The following CADPS variants were observed in gnomAD, a reference collection of about 807,000 sequenced individuals.
CADPS encodes calcium-dependent secretion activator 1.
CADPS carries 57 observed loss-of-function variants against 167.3 expected under a neutral mutation model. The ratio of observed to expected loss-of-function variants is 0.34; its 90% CI spans 0.28 to 0.42. The LOEUF is 0.42. Ranked by LOEUF, CADPS falls within the 20% of genes least tolerant of loss-of-function variation. The pLI is 1.00. For missense variants in CADPS, 1,414 were observed against 1,738.1 expected (o/e 0.81, Z 3.32); for synonymous variants, 676 against 635.3 (o/e 1.06, Z -0.96).
At chr3:62,698,962 C>A (rs948830971) in intron 3 of CADPS, among the ~76,000 whole-genome samples, 27 of 151,792 alleles carry the variant, frequency 1.8e-4, no homozygotes, top group African/African-American at 6.5e-4. Flanking sequence ...ACGGCTCAAG[C>A]ACTTTATTTT....
chr3:62,532,996 C>T lies in CADPS; in HGVS notation c.2166G>A (p.Arg722=), dbSNP rs1468690377. Residue 722 remains arginine, a synonymous_variant, in exon 13 of 30, where the codon CGG becomes CGA. Transcript: ENST00000383710. ...LDEYCARNGV[R]GCHRHLCYLR... ...GGTAGCAGAGATGTCGGTGACACCC[C>T]CGGACTCCATTTCGGGCGCAATACT... is the stretch of plus-strand genomic sequence containing the variant. 1 of 1,613,802 alleles carries T rather than the reference C, an allele frequency of 6.2e-7. No individual in the cohort carries two copies. Among genetic ancestry groups the T allele is most frequent in the South Asian group, 1.1e-5 (1 of 91,070 alleles).
At chr3:62,803,414 A>G (rs1467301447) in intron 1 of CADPS, among the ~76,000 whole-genome samples, 2 of 151,620 alleles carry the variant, frequency 1.3e-5, no homozygotes, top group African/African-American at 2.4e-5. Flanking sequence ...GCTATTTGGA[A>G]AAGTCTGGAC....
At chr3:62,497,712 C>A (rs1561270215) in intron 18 of CADPS, among the ~76,000 whole-genome samples, 1 of 152,194 alleles carries the variant, frequency 6.6e-6, no homozygotes, top group Non-Finnish European at 1.5e-5. Context: ...AGTACTCTCT[C>A]TATATATAAA....
At chr3:62,480,487 T>C (rs188814245) in intron 22 of CADPS, among the ~76,000 whole-genome samples, 112 of 152,296 alleles carry the variant, frequency 7.4e-4, no homozygotes, top group Admixed American at 2.5e-3. Flanking sequence ...GACCATATGA[T>C]TTTAGTGTGA....
rs1355043339 is a variant in CADPS at position 62,433,343 on chromosome 3, C to T, written c.3777+4761G>A. On this transcript the variant is annotated intron_variant, in intron 28 of 29. Coordinates refer to ENST00000383710, the MANE Select transcript of CADPS (RefSeq NM_003716.4). This position sits in a 1 kb window ranked among gnomAD's most constrained non-coding sequence, Gnocchi z 4.7. ...TGAAAATGGAACAGCAAATTAAAAT[C>T]CGTGCGAGGCAAAGAATACTGAGTA... 6.6e-6 allele frequency among the ~76,000 whole-genome samples: 1 copy of T among 152,104 alleles called. No individual in the cohort carries two copies.
At chr3:62,469,284 G>C (rs2060293047) in intron 24 of CADPS, among the ~76,000 whole-genome samples, 1 of 152,088 alleles carries the variant, frequency 6.6e-6, no homozygotes, top group Non-Finnish European at 1.5e-5. Flanking sequence ...TTGCTTTCTG[G>C]AGTAATAGTG....
rs189291639 is a variant in CADPS at position 62,711,228 on chromosome 3, T to C, written c.888+42213A>G. ...TCATTTTTAATAATAGGTATTTATT[T>C]ATTCATTAAATTACAAGATCTAGCA... On this transcript the variant is annotated intron_variant, in intron 3 of 29. Transcript: ENST00000383710. Among the ~76,000 whole-genome samples the C allele has an allele frequency of 2.0e-4, 30 of 152,348 alleles. No homozygotes were observed. The East Asian group carries it at 4.6e-3, about 24-fold the overall frequency.
At chr3:62,825,206 AG>A (rs1652185567) in intron 1 of CADPS, among the ~76,000 whole-genome samples, 1 of 152,058 alleles carries the variant, frequency 6.6e-6, no homozygotes, top group Non-Finnish European at 1.5e-5. Context: ...TATGGGTGGG[AG>A]GGGCACCTTT....
Position 62,492,312 on chromosome 3 carries a change from C to T in CADPS, c.2862G>A (p.Leu954=), listed in dbSNP as rs768598090. 6.2e-7 allele frequency: 1 copy of T among 1,614,052 alleles called. No homozygotes were observed. The highest frequency in any genetic ancestry group is 8.5e-7 in the Non-Finnish European group (1 of 1,179,936). Reference sequence around the variant, plus strand: ...TACAGTCAGTACGGAGAAAATCATTCAGCAGCTGAAATAGTGGAAAACTGT... The same window carrying T: ...TACAGTCAGTACGGAGAAAATCATTTAGCAGCTGAAATAGTGGAAAACTGT... The part of the protein sequence containing the change: ...TWDSFPLFQL[L]NDFLRTDYNL... The change falls in exon 20 of 30, where the codon CTG becomes CTA. Residue 954 remains leucine (L), a synonymous_variant. Coordinates refer to ENST00000383710, the MANE Select transcript of CADPS (RefSeq NM_003716.4).
At chr3:62,450,361 T>C (rs1271599970) in intron 26 of CADPS, among the ~76,000 whole-genome samples, 1 of 152,120 alleles carries the variant, frequency 6.6e-6, no homozygotes, top group East Asian at 1.9e-4. Context: ...CAACACAATC[T>C]ATTACTCTCC....
At chr3:62,554,704 G>T (rs1291841735) in intron 10 of CADPS, among the ~76,000 whole-genome samples, 1 of 152,078 alleles carries the variant, frequency 6.6e-6, no homozygotes, top group East Asian at 1.9e-4. Flanking sequence ...CCCTACTTCT[G>T]GTTCACAGGT....
intron 6 of CADPS, among the ~76,000 whole-genome samples, chr3:62,593,006 T>C (rs1338194602): frequency 2.6e-5 from 4 of 152,228 alleles, no homozygotes; most frequent in Non-Finnish European, 5.9e-5. Context: ...TAGCATAAAC[T>C]CATGTTGGTG....
chr3:62,438,278 C>T lies in CADPS; in HGVS notation c.3670-67G>A, dbSNP rs1422872385. 2.6e-6 allele frequency: 3 copies of T among 1,155,746 alleles called. No homozygotes were observed. The highest frequency in any genetic ancestry group is 4.7e-5 in the East Asian group (2 of 42,234). The allele number at this position is 1,155,746 out of a possible 1,614,324, so 71.6% of individuals were successfully genotyped here. On this transcript the variant is annotated intron_variant, in intron 27 of 29. Transcript: ENST00000383710. This position sits in a 1 kb window ranked among gnomAD's most constrained non-coding sequence, Gnocchi z 4.7. ...GCCACTCTTCCTTGTTTACCATTCA[C>T]TTGTACCCTCTACTTGCCCTCACAC... is the stretch of plus-strand genomic sequence containing the variant.
chr3:62,622,831 G>A (rs963157541), intron 6 of CADPS, among the ~76,000 whole-genome samples: 1 of 152,122 alleles, frequency 6.6e-6, no homozygotes, highest in South Asian at 2.1e-4. Flanking sequence ...AAAGGCCTGC[G>A]CTAAAATTCA....
intron 3 of CADPS, among the ~76,000 whole-genome samples, chr3:62,719,602 G>A (rs2075348069): frequency 6.6e-6 from 1 of 152,232 alleles, no homozygotes; most frequent in South Asian, 2.1e-4. Flanking sequence ...GCCAAGCACA[G>A]TGCCCACCTT....
intron 28 of CADPS, among the ~76,000 whole-genome samples, chr3:62,410,362 T>C (rs181713775): frequency 6.6e-6 from 1 of 152,348 alleles, no homozygotes; most frequent in Admixed American, 6.5e-5. Context: ...AAGCAAAGCA[T>C]TAAATGCCTG....
rs746786919 is a variant in CADPS, at chr3:62,601,546, C to T, written c.1326-8798G>A. On this transcript the variant is annotated intron_variant, in intron 6 of 29. Transcript: ENST00000383710. This position sits in a 1 kb window ranked among gnomAD's most constrained non-coding sequence, Gnocchi z 4.3. ...CATGCACTCACAAAGACAGCTGACC[C>T]CATGGGGATCCAATTTGCTGCTCTA... 1.4e-4 allele frequency among the ~76,000 whole-genome samples: 21 copies of T among 152,282 alleles called. No individual in the cohort carries two copies. Among genetic ancestry groups the T allele is most frequent in the Admixed American group, 3.3e-4 (5 of 15,308 alleles).
At chr3:62,580,617 A>AG (rs1177048756) in intron 8 of CADPS, among the ~76,000 whole-genome samples, 11 of 145,210 alleles carry the variant, frequency 7.6e-5, no homozygotes, top group Admixed American at 6.7e-4. Flanking sequence ...GAAAGAGGCA[A>AG]GAAAAAAACC....
intron 3 of CADPS, among the ~76,000 whole-genome samples, chr3:62,718,803 G>A (rs1290797570): frequency 1.3e-5 from 2 of 152,214 alleles, no homozygotes; most frequent in African/African-American, 4.8e-5. Context: ...ACTGCTGTGC[G>A]TGGATATCAC....
Sources: gnomAD v4.1 joint callset for allele counts (sites outside exome capture counted in the v4.1 genomes callset) on GRCh38, gnomAD v4.1.1 for gene constraint, Gnocchi (gnomAD v3.1) non-coding constraint, MANE v1.5 for transcripts, NCBI Gene and HGNC (gene_info 2026-07-23, HGNC 2026-07-21) for gene names.